The following OXR1 variants were observed in gnomAD, a reference collection of about 807,000 sequenced individuals.
The protein encoded by OXR1 is oxidation resistance 1.
In OXR1, 41 loss-of-function variants were observed where a neutral mutation model predicts 104.6. That is an observed-to-expected ratio of 0.39 (90% CI 0.31 to 0.51). OXR1 has a LOEUF of 0.51. OXR1 is among the 20% of genes least tolerant of loss of function. The pLI is 0.77. For synonymous variants in OXR1, 348 were observed against 348.4 expected (o/e 1.00, Z 0.01); for missense variants, 955 against 1,031.9 (o/e 0.93, Z 1.02).
chr8:106,508,187 T>C (rs1027147425), intron 2 of OXR1, among the ~76,000 whole-genome samples: 9 of 152,120 alleles, frequency 5.9e-5, no homozygotes, highest in African/African-American at 2.2e-4. Context: ...GGAATGCAAT[T>C]AGGTTTAGAG....
chr8:106,637,896 G>T (rs1321931121), intron 3 of OXR1, among the ~76,000 whole-genome samples: 2 of 151,686 alleles, frequency 1.3e-5, no homozygotes, highest in Non-Finnish European at 2.9e-5. Flanking sequence ...TGAGTAGCTG[G>T]GACTACAGGC....
intron 2 of OXR1, among the ~76,000 whole-genome samples, chr8:106,418,104 C>T (rs1415415095): frequency 6.6e-6 from 1 of 151,866 alleles, no homozygotes; most frequent in East Asian, 1.9e-4. Flanking sequence ...ACAGATCACT[C>T]AAAAATGTAT....
In OXR1 at chr8:106,706,954, A is replaced by G. The variant is rs753368421; in HGVS notation, c.1433A>G (p.Gln478Arg). 2 of 1,613,548 alleles carry G rather than the reference A, an allele frequency of 1.2e-6. No individual in the cohort carries two copies. Among genetic ancestry groups the G allele is most frequent in the East Asian group, 4.5e-5 (2 of 44,882 alleles). ...MPCGETAEFK[Q>R]KQSVNKGKQG... ...TGTGGGGAAACAGCAGAATTTAAAC[A>G]AAAGCAAAGTGTTAACAAAGGAAAA... The change falls in exon 9 of 17, where the codon CAA (glutamine) becomes CGA (arginine). Residue 478 changes from glutamine (Q) to arginine (R), a missense_variant. By Grantham distance (43) the Gln-to-Arg change is conservative. Transcript: ENST00000517566.
rs569433554 is a variant in OXR1 at position 106,513,413 on chromosome 8, A to G, written c.24-5530A>G. On this transcript the variant is annotated intron_variant, in intron 2 of 16. Transcript: ENST00000517566. ...AGGTCAAACCTGCGTGGATTTATAC[A>G]CACACACACACACACACACTCAGGT... Among the ~76,000 whole-genome samples the G allele has an allele frequency of 6.2e-5, 7 of 112,576 alleles. No homozygotes were observed. In the East Asian group the frequency reaches 2.3e-3, roughly 37 times the overall value. The allele number at this position is 112,576 out of a possible 152,430, so 73.9% of individuals were successfully genotyped here.
In OXR1 at chr8:106,667,688, G is replaced by A. The variant is rs112793569; in HGVS notation, c.221-11522G>A. 9.7e-3 allele frequency among the ~76,000 whole-genome samples: 1,475 copies of A among 152,152 alleles called. 24 individuals carry two copies. Among genetic ancestry groups the A allele is most frequent in the African/African-American group, 0.033 (1,383 of 41,516 alleles). ...AATATTTGCTTCCAGTCTTTTATAC[G>A]AAATTAATTTTTAAAATAAACCTGA... On this transcript the variant is annotated intron_variant, in intron 3 of 16. Coordinates refer to ENST00000517566, the MANE Select transcript of OXR1 (RefSeq NM_001198533.2).
intron 2 of OXR1, among the ~76,000 whole-genome samples, chr8:106,496,663 C>T (rs1322653087): frequency 6.6e-6 from 1 of 152,162 alleles, no homozygotes; most frequent in Non-Finnish European, 1.5e-5. Context: ...TGGTTCCAGC[C>T]AGTAACTACA....
chr8:106,600,585 G>T (rs1253663677), intron 3 of OXR1, among the ~76,000 whole-genome samples: 1 of 152,184 alleles, frequency 6.6e-6, no homozygotes, highest in Non-Finnish European at 1.5e-5. Flanking sequence ...ACAGTAGATT[G>T]CTCTGACCAA....
At chr8:106,291,281 A>G (rs1812739847) in intron 1 of OXR1, among the ~76,000 whole-genome samples, 1 of 152,174 alleles carries the variant, frequency 6.6e-6, no homozygotes, top group South Asian at 2.1e-4. Context: ...ACTGTAGACT[A>G]CTAGAGGGGG....
At chr8:106,519,713 C>G (rs1813121810) in intron 3 of OXR1, among the ~76,000 whole-genome samples, 1 of 152,146 alleles carries the variant, frequency 6.6e-6, no homozygotes, top group South Asian at 2.1e-4. Flanking sequence ...GACATCCAGG[C>G]CCTTCATAGG....
At chr8:106,391,804 A>G (rs1175229367) in intron 2 of OXR1, among the ~76,000 whole-genome samples, 1 of 152,190 alleles carries the variant, frequency 6.6e-6, no homozygotes, top group Non-Finnish European at 1.5e-5. Flanking sequence ...TACATAAGAG[A>G]AACATTTAAA....
chr8:106,351,246 A>G (rs1258647985), intron 1 of OXR1, among the ~76,000 whole-genome samples: 1 of 152,196 alleles, frequency 6.6e-6, no homozygotes, highest in Non-Finnish European at 1.5e-5. Context: ...ATAAGTTTGC[A>G]AAGTCATTAA....
chr8:106,604,144 C>A (rs1820185078), intron 3 of OXR1, among the ~76,000 whole-genome samples: 1 of 152,180 alleles, frequency 6.6e-6, no homozygotes, highest in Admixed American at 6.5e-5. Flanking sequence ...CAGGTGTATA[C>A]CGTCTATTAA....
At chr8:106,701,323 C>T (rs3101539) in intron 7 of OXR1, among the ~76,000 whole-genome samples, 44,646 of 151,998 alleles carry the variant, frequency 0.29, 8,428 homozygotes, top group African/African-American at 0.54. Flanking sequence ...CTTGAACATC[C>T]GCAGTAACTT....
chr8:106,289,031 A>G (rs1812632949), intron 1 of OXR1, among the ~76,000 whole-genome samples: 3 of 152,126 alleles, frequency 2.0e-5, no homozygotes, highest in Non-Finnish European at 2.9e-5. Flanking sequence ...CCTCAAAATA[A>G]TAGGAGACAT....
chr8:106,282,998 A>G lies in OXR1; in HGVS notation c.-139+12631A>G, dbSNP rs536672761. ...TCCCAGAGGGATTCGTAGATGAAGAACCTAAAATCTTTCTTTGATTCCTCC... is the reference window on the plus strand; with the variant it reads ...TCCCAGAGGGATTCGTAGATGAAGAGCCTAAAATCTTTCTTTGATTCCTCC... On this transcript the variant is annotated intron_variant, in intron 1 of 16. Transcript: ENST00000517566. 6.6e-5 allele frequency among the ~76,000 whole-genome samples: 10 copies of G among 152,296 alleles called. No homozygotes were observed. The East Asian group carries it at 1.9e-3, about 29-fold the overall frequency.
At chr8:106,599,010 A>G (rs979620036) in intron 3 of OXR1, among the ~76,000 whole-genome samples, 1 of 152,208 alleles carries the variant, frequency 6.6e-6, no homozygotes, top group African/African-American at 2.4e-5. Context: ...TATTTTAAAA[A>G]TTAGCTTTTA....
intron 2 of OXR1, among the ~76,000 whole-genome samples, chr8:106,402,620 A>C (rs1586607885): frequency 6.6e-6 from 1 of 152,224 alleles, no homozygotes; most frequent in Non-Finnish European, 1.5e-5. Context: ...TTAGCTCAAA[A>C]CCAGTGTCCA....
chr8:106,707,262 C>T (rs761120598), intron 9 of OXR1, 117 bp downstream of exon 9: 2 of 829,122 alleles, frequency 2.4e-6, no homozygotes, highest in Admixed American at 2.0e-5. Context: ...GTGAGTGACC[C>T]TTGACCGGTG....
chr8:106,683,156 T>C, intron 4 of OXR1, 43 bp from the exon 5 acceptor site: 1 of 968,712 alleles, frequency 1.0e-6, no homozygotes, highest in Non-Finnish European at 1.6e-6. Context: ...GTTTAGTTTT[T>C]CTGTTTTAAA....
Sources: gnomAD v4.1 joint callset for allele counts (sites outside exome capture counted in the v4.1 genomes callset) on GRCh38, gnomAD v4.1.1 for gene constraint, MANE v1.5 for transcripts, NCBI Gene and HGNC (gene_info 2026-07-23, HGNC 2026-07-21) for gene names.